DNAAF4: variants seen among roughly 807,000 people sequenced by gnomAD.
DNAAF4 encodes the protein dynein assembly factor 4, axonemal.
DNAAF4 carries 43 observed loss-of-function variants against 51.8 expected under a neutral mutation model. That is an observed-to-expected ratio of 0.83 (90% CI 0.65 to 1.07). The LOEUF (loss-of-function observed/expected upper bound fraction) is 1.07, where lower values mean the gene tolerates loss of function less well. Ranked by LOEUF, DNAAF4 falls within the 50% of genes least tolerant of loss-of-function variation. DNAAF4 has a pLI of 0.00. For missense variants in DNAAF4, 581 were observed against 493.0 expected (o/e 1.18, Z -1.69); for synonymous variants, 194 against 165.6 (o/e 1.17, Z -1.32).
intron 5 of DNAAF4, among the ~76,000 whole-genome samples, chr15:55,458,125 A>C (rs1396439243): frequency 6.6e-6 from 1 of 152,190 alleles, no homozygotes; most frequent in Non-Finnish European, 1.5e-5. Context: ...ATGACAATAC[A>C]AGGTTCTGTA....
At chr15:55,486,324 G>C (rs1057415554) in intron 4 of DNAAF4, among the ~76,000 whole-genome samples, 1 of 151,698 alleles carries the variant, frequency 6.6e-6, no homozygotes, top group African/African-American at 2.4e-5. Context: ...CTCCAGAGTA[G>C]CTAAGATTAC....
chr15:55,420,476 T>G (rs942117678), intron 7 of DNAAF4, among the ~76,000 whole-genome samples: 1 of 152,092 alleles, frequency 6.6e-6, no homozygotes, highest in Non-Finnish European at 1.5e-5. Flanking sequence ...TACCATCAAT[T>G]AGAAAGAATA....
chr15:55,449,370 A>G (rs66519356), intron 6 of DNAAF4, among the ~76,000 whole-genome samples: 40,091 of 151,324 alleles, frequency 0.26, 6,059 homozygotes, highest in Non-Finnish European at 0.35. Context: ...CAGTAAAAAA[A>G]TGCAGTTCTT....
chr15:55,489,108 C>CAA (rs2058533577), intron 4 of DNAAF4, among the ~76,000 whole-genome samples: 1 of 150,872 alleles, frequency 6.6e-6, no homozygotes, highest in Non-Finnish European at 1.5e-5. Context: ...AAACAAAAAA[C>CAA]AAACCTTCAA....
chr15:55,454,471 G>A (rs559486131), intron 5 of DNAAF4, among the ~76,000 whole-genome samples: 50 of 151,934 alleles, frequency 3.3e-4, no homozygotes, highest in African/African-American at 1.1e-3. Context: ...TCTGCCTCCC[G>A]GGTTCAAGCA....
intron 4 of DNAAF4, among the ~76,000 whole-genome samples, chr15:55,478,610 A>G (rs1000339952): frequency 2.6e-5 from 4 of 152,216 alleles, no homozygotes; most frequent in Non-Finnish European, 2.9e-5. Context: ...TCCCAGCCCA[A>G]TCTTGGGCCC....
chr15:55,469,085 C>G (rs749716345), intron 4 of DNAAF4, among the ~76,000 whole-genome samples: 1 of 152,062 alleles, frequency 6.6e-6, no homozygotes, highest in Non-Finnish European at 1.5e-5. Flanking sequence ...AATCCCAGCA[C>G]TTTGGGAGGC....
chr15:55,432,418 G>T (rs532406608), intron 9 of DNAAF4, 79 bp downstream of exon 9: 18 of 1,175,378 alleles, frequency 1.5e-5, no homozygotes, highest in Admixed American at 8.3e-5. Flanking sequence ...GTCCTTAAAA[G>T]TCACGATCTT....
chr15:55,506,051 C>T (rs1262210507), intron 1 of DNAAF4, among the ~76,000 whole-genome samples: 3 of 152,132 alleles, frequency 2.0e-5, no homozygotes, highest in African/African-American at 7.2e-5. Flanking sequence ...ATTGTGATCT[C>T]AGAGTACTTT....
At chr15:55,439,638 T>A in intron 6 of DNAAF4, 57 bp from the exon 7 acceptor site, 1 of 1,462,164 alleles carries the variant, frequency 6.8e-7, no homozygotes, top group African/African-American at 1.4e-5. Context: ...AATTAACATT[T>A]CCTTTTAGAT....
chr15:55,498,173 C>T lies in DNAAF4; in HGVS notation c.123+34G>A, dbSNP rs761097434. 8.1e-6 allele frequency: 13 copies of T among 1,614,078 alleles called. No homozygotes were observed. In the East Asian group the frequency reaches 2.5e-4, roughly 30 times the overall value. ...TCTTGCAGAAGCTTCGGACCACACC[C>T]CCGGAGACCGGCAGGCAAGACTTGC... On this transcript the variant is annotated intron_variant, in intron 2 of 9. Transcript: ENST00000321149.
In DNAAF4 at chr15:55,432,509, A is replaced by C; in HGVS notation, c.1141T>G (p.Leu381Val). Residue 381 changes from leucine to valine, a missense_variant, in exon 9 of 10, where the codon TTG becomes GTG. Coordinates refer to ENST00000321149, the MANE Select transcript of DNAAF4 (RefSeq NM_130810.4). The part of the protein sequence containing the change: ...RRGTAFCQLE[L>V]YVEGLQDYEA... Reference sequence around the variant, plus strand: ...ATCAATTCCTTACCTTCTACATACAATTCTAGTTGACAGAATGCTGTTCCA... The same window carrying C: ...ATCAATTCCTTACCTTCTACATACACTTCTAGTTGACAGAATGCTGTTCCA... 1 of 1,610,608 alleles carries C rather than the reference A, an allele frequency of 6.2e-7. No homozygotes were observed. The highest frequency in any genetic ancestry group is 8.5e-7 in the Non-Finnish European group (1 of 1,177,812).
At chr15:55,454,378 GTTTT>G in intron 5 of DNAAF4, among the ~76,000 whole-genome samples, 1 of 151,712 alleles carries the variant, frequency 6.6e-6, no homozygotes, top group African/African-American at 2.4e-5. Context: ...ATATTTGTTT[GTTTT>G]TGTTTTTGTT....
At chr15:55,475,099 A>T (rs2058318588) in intron 4 of DNAAF4, among the ~76,000 whole-genome samples, 1 of 152,238 alleles carries the variant, frequency 6.6e-6, no homozygotes, top group Non-Finnish European at 1.5e-5. Flanking sequence ...TCCTGGAGGG[A>T]AATCTCAATA....
intron 6 of DNAAF4, among the ~76,000 whole-genome samples, chr15:55,442,083 G>A (rs1315713520): frequency 6.6e-6 from 1 of 152,138 alleles, no homozygotes; most frequent in African/African-American, 2.4e-5. Context: ...AGTCCGCAGT[G>A]GAGCAGGTAA....
chr15:55,441,065 TATG>T (rs1174412602), intron 6 of DNAAF4, among the ~76,000 whole-genome samples: 2 of 151,928 alleles, frequency 1.3e-5, no homozygotes, highest in African/African-American at 2.4e-5. Flanking sequence ...TGGGAGTTCA[TATG>T]ATATTATTAA....
At chr15:55,463,081 G>A (rs2058116529) in intron 5 of DNAAF4, among the ~76,000 whole-genome samples, 1 of 151,882 alleles carries the variant, frequency 6.6e-6, no homozygotes, top group African/African-American at 2.4e-5. Flanking sequence ...GGTTGAGGCA[G>A]GAGAACTGCT....
At chr15:55,489,795 G>A (rs1334820538) in intron 4 of DNAAF4, among the ~76,000 whole-genome samples, 2 of 151,750 alleles carry the variant, frequency 1.3e-5, no homozygotes, top group African/African-American at 4.8e-5. Flanking sequence ...ACAGTCATGG[G>A]TCCACAAAAA....
chr15:55,465,603 G>A (rs190877087), intron 5 of DNAAF4, among the ~76,000 whole-genome samples: 288 of 124,912 alleles, frequency 2.3e-3, no homozygotes, highest in Middle Eastern at 5.0e-3. Context: ...TTTTGCTCTT[G>A]TTGCCCAGGC....
Sources: gnomAD v4.1 joint callset for allele counts (sites outside exome capture counted in the v4.1 genomes callset) on GRCh38, gnomAD v4.1.1 for gene constraint, MANE v1.5 for transcripts, NCBI Gene and HGNC (gene_info 2026-07-23, HGNC 2026-07-21) for gene names.